The following CALR variants were observed in gnomAD, a reference collection of about 807,000 sequenced individuals.
CALR encodes the protein CRP55.
CALR carries 15 observed loss-of-function variants against 51.1 expected under a neutral mutation model. That is an observed-to-expected ratio of 0.29 (90% CI 0.20 to 0.45). The LOEUF is 0.45. Ranked by LOEUF, CALR falls within the 20% of genes least tolerant of loss-of-function variation. The pLI is 1.00. For synonymous variants in CALR, 239 were observed against 205.9 expected (o/e 1.16, Z -1.38); for missense variants, 477 against 530.6 (o/e 0.90, Z 0.99).
At chr19:12,939,355 C>G in intron 2 of CALR, 73 bp from the exon 3 acceptor site, 1 of 1,513,956 alleles carries the variant, frequency 6.6e-7, no homozygotes, top group Non-Finnish European at 9.2e-7. Context: ...GTGGGGGAGT[C>G]TTCTCTATTC....
rs774155426 is a variant in CALR, at chr19:12,943,660, G to A, written c.1053+31G>A. On this transcript the variant is annotated intron_variant, in intron 8 of 8. Coordinates refer to ENST00000316448, the MANE Select transcript of CALR (RefSeq NM_004343.4). ...GCCTGGTCCTGGTCCTGATGTCGGG[G>A]GCGGGCAGGGCTGGCAGGGGGCAAG... 6.2e-6 allele frequency: 10 copies of A among 1,614,178 alleles called. No individual in the cohort carries two copies. In the South Asian group the frequency reaches 1.1e-4, roughly 18 times the overall value.
intron 7 of CALR, among the ~76,000 whole-genome samples, chr19:12,942,158 G>A (rs1253466091): frequency 6.6e-6 from 1 of 151,864 alleles, no homozygotes; most frequent in Non-Finnish European, 1.5e-5. Flanking sequence ...AGGAGATGGA[G>A]ACCATCCTGG....
intron 4 of CALR, 22 bp downstream of exon 4, chr19:12,940,169 AATGGCTGTC>A (rs756821972): frequency 1.2e-6 from 2 of 1,612,104 alleles, no homozygotes; most frequent in East Asian, 4.5e-5. Flanking sequence ...GGTGGTGGCA[AATGGCTGTC>A]ATGGGGAGAT....
Position 12,944,301 on chromosome 19 carries a change from C to G in CALR, c.*388C>G, listed in dbSNP as rs1282619532. 2.6e-6 allele frequency: 1 copy of G among 384,576 alleles called. No individual in the cohort carries two copies. The highest frequency in any genetic ancestry group is 4.6e-5 in the East Asian group (1 of 21,622). 23.8% of individuals were successfully genotyped at this position (384,576 alleles called of 1,614,324 possible). ...CTTCCTGGAGCCCAGAGGAGGGCAG[C>G]AGAAGGGGGTGGTGTCTCCAACCCC... On this transcript the variant is annotated 3_prime_UTR_variant, in exon 9 of 9. Coordinates refer to ENST00000316448, the MANE Select transcript of CALR (RefSeq NM_004343.4).
At position 12,944,258 on chromosome 19, in the gene CALR, G is replaced by C. The variant is rs1328039053; in HGVS notation, c.*345G>C. On this transcript the variant is annotated 3_prime_UTR_variant, in exon 9 of 9. Transcript: ENST00000316448. ...AGTGGTGTGGAGAAGCCACAGGCCT[G>C]AGATTTCATCTGCTCTCCTTCCTGG... is the stretch of plus-strand genomic sequence containing the variant. 3 of 438,060 alleles carry C rather than the reference G, an allele frequency of 6.8e-6. No homozygotes were observed. Among genetic ancestry groups the C allele is most frequent in the Admixed American group, 7.4e-5 (2 of 27,028 alleles). 27.1% of individuals were successfully genotyped at this position (438,060 alleles called of 1,614,324 possible).
chr19:12,941,009 A>G, intron 7 of CALR, 122 bp downstream of exon 7: 1 of 911,720 alleles, frequency 1.1e-6, no homozygotes, highest in South Asian at 1.3e-5. Flanking sequence ...CTTCTTGTAA[A>G]CAGTACTTCC....
intron 7 of CALR, among the ~76,000 whole-genome samples, chr19:12,941,281 A>T (rs1825869761): frequency 6.6e-6 from 1 of 151,572 alleles, no homozygotes; most frequent in African/African-American, 2.4e-5. Context: ...CAGCGAGGAG[A>T]CCCTATCTCT....
rs1971585777 is a variant in CALR at position 12,943,859 on chromosome 19, CAAGGAGGAAGAT to C, written c.1201_1212del (p.Lys401_Asp404del). On this transcript the variant is annotated inframe_deletion, in exon 9 of 9. Transcript: ENST00000316448. ...ATGAGGATGAGGAGGATGAGGAGGACAAGGAGGAAGATGAGGAGGAAGATGTCCCCGGCCAGG... is the reference window on the plus strand; with the variant it reads ...ATGAGGATGAGGAGGATGAGGAGGACGAGGAGGAAGATGTCCCCGGCCAGG... 1.3e-6 allele frequency: 2 copies of C among 1,583,274 alleles called. No homozygotes were observed. Among genetic ancestry groups the C allele is most frequent in the Non-Finnish European group, 1.7e-6 (2 of 1,164,704 alleles).
At chr19:12,938,823 T>A (rs1971502812) in intron 1 of CALR, 53 bp downstream of exon 1, 2 of 1,345,070 alleles carry the variant, frequency 1.5e-6, no homozygotes, top group African/African-American at 2.9e-5. Context: ...CGGCCCCCGA[T>A]CCTGGATCTG....
In CALR at chr19:12,943,976, A is replaced by C; in HGVS notation, c.*63A>C. On this transcript the variant is annotated 3_prime_UTR_variant, in exon 9 of 9. Transcript: ENST00000316448. Reference sequence around the variant, plus strand: ...CTCCTGCCGCAGAGCTGGCCGCGCCAAATAATGTCTCTGTGAGACTCGAGA... The same window carrying C: ...CTCCTGCCGCAGAGCTGGCCGCGCCCAATAATGTCTCTGTGAGACTCGAGA... The C allele has an allele frequency of 6.3e-7, 1 of 1,592,702 alleles. No individual in the cohort carries two copies. The highest frequency in any genetic ancestry group is 8.5e-7 in the Non-Finnish European group (1 of 1,170,582).
At position 12,940,448 on chromosome 19, in the gene CALR, C is replaced by T. The variant is rs1012573592; in HGVS notation, c.698C>T (p.Pro233Leu). 2 of 1,614,044 alleles carry T rather than the reference C, an allele frequency of 1.2e-6. No individual in the cohort carries two copies. Among genetic ancestry groups the T allele is most frequent in the Non-Finnish European group, 1.7e-6 (2 of 1,180,022 alleles). ...AKIDDPTDSK[P>L]EDWDKPEHIP... is the part of the protein sequence containing the mutation. The stretch of plus-strand genomic sequence containing the variant: ...ATCGATGATCCCACAGACTCCAAGC[C>T]TGAGGTTGGTGTTTGGGCAGGGGCT... Residue 233 changes from proline (P) to leucine (L), a missense_variant, in exon 5 of 9, where the codon CCT (proline) becomes CTT (leucine). Transcript: ENST00000316448.
At position 12,943,910 on chromosome 19, in the gene CALR, G is replaced by A. The variant is rs772530077; in HGVS notation, c.1251G>A (p.Leu417=). 5 of 1,602,278 alleles carry A rather than the reference G, an allele frequency of 3.1e-6. No homozygotes were observed. The highest frequency in any genetic ancestry group is 3.4e-6 in the Non-Finnish European group (4 of 1,175,644). The change falls in exon 9 of 9, where the codon CTG becomes CTA. Residue 417 remains leucine, a synonymous_variant. Transcript: ENST00000316448. ...TCCCCGGCCAGGCCAAGGACGAGCT[G>A]TAGAGAGGCCTGCCTCCAGGGCTGG... ...EDVPGQAKDE[L]
In CALR at chr19:12,944,152, G is replaced by C; in HGVS notation, c.*239G>C. On this transcript the variant is annotated 3_prime_UTR_variant, in exon 9 of 9. Coordinates refer to ENST00000316448, the MANE Select transcript of CALR (RefSeq NM_004343.4). Reference sequence around the variant, plus strand: ...GATTCTCCTTCAGCCCTCACCCCTGGTTCTCATCTTTCTTGATCAACATCT... The same window carrying C: ...GATTCTCCTTCAGCCCTCACCCCTGCTTCTCATCTTTCTTGATCAACATCT... 3 of 617,916 alleles carry C rather than the reference G, an allele frequency of 4.9e-6. No homozygotes were observed. Among genetic ancestry groups the C allele is most frequent in the Non-Finnish European group, 2.7e-6 (1 of 373,096 alleles). The allele number at this position is 617,916 out of a possible 1,614,324, so 38.3% of individuals were successfully genotyped here.
chr19:12,943,434 C>T (rs1267666784), intron 7 of CALR, 103 bp from the exon 8 acceptor site: 4 of 979,248 alleles, frequency 4.1e-6, no homozygotes, highest in Admixed American at 1.9e-5. Context: ...TCTGCAGATG[C>T]AGGCAGCAGA....
intron 3 of CALR, 91 bp from the exon 4 acceptor site, chr19:12,939,962 G>C: frequency 2.1e-6 from 2 of 943,922 alleles, no homozygotes; most frequent in Admixed American, 1.9e-5. Context: ...GACCCGAGTT[G>C]AAGAACCAGG....
intron 7 of CALR, among the ~76,000 whole-genome samples, chr19:12,943,044 G>A (rs1002085136): frequency 1.1e-4 from 16 of 146,400 alleles, no homozygotes; most frequent in African/African-American, 4.1e-4. Flanking sequence ...GCATGAGCCC[G>A]TCCCGTCCCT....
At position 12,944,055 on chromosome 19, in the gene CALR, C is replaced by A; in HGVS notation, c.*142C>A. ...ATTTGGGGTGGATTTTGGTTTTGTT[C>A]CCCTCCTCCACTCTCCCCCACCCCC... On this transcript the variant is annotated 3_prime_UTR_variant, in exon 9 of 9. Transcript: ENST00000316448. The A allele has an allele frequency of 7.0e-7, 1 of 1,425,670 alleles. No homozygotes were observed. 88.3% of individuals were successfully genotyped at this position (1,425,670 alleles called of 1,614,324 possible).
rs1300480978 is a variant in CALR, at chr19:12,943,897, C to T, written c.1238C>T (p.Ala413Val). ...GAGGAGGAAGATGTCCCCGGCCAGG[C>T]CAAGGACGAGCTGTAGAGAGGCCTG... ...EDEEEDVPGQ[A>V]KDEL The change falls in exon 9 of 9, where the codon GCC (alanine) becomes GTC (valine). Residue 413 changes from alanine to valine, a missense_variant. Ala to Val is a moderately conservative substitution (Grantham distance 64). Transcript: ENST00000316448. 1 of 1,600,038 alleles carries T rather than the reference C, an allele frequency of 6.2e-7. No individual in the cohort carries two copies.
chr19:12,940,321 G>T lies in CALR; in HGVS notation c.571G>T (p.Val191Leu). 1 of 1,614,208 alleles carries T rather than the reference G, an allele frequency of 6.2e-7. No homozygotes were observed. Among genetic ancestry groups the T allele is most frequent in the Non-Finnish European group, 8.5e-7 (1 of 1,180,026 alleles). ...TYEVKIDNSQVESGSLEDDWD... is the reference protein window; with the variant it reads ...TYEVKIDNSQLESGSLEDDWD... ...TGAGGTGAAGATTGACAACAGCCAG[G>T]TGGAGTCCGGCTCCTTGGAAGACGA... The change falls in exon 5 of 9, where the codon GTG becomes TTG. Residue 191 changes from valine to leucine, a missense_variant. By Grantham distance (32) the Val-to-Leu change is conservative. Transcript: ENST00000316448.
Sources: allele counts gnomAD v4.1 joint callset (sites outside exome capture counted in the v4.1 genomes callset), GRCh38; gene constraint gnomAD v4.1.1; transcripts MANE v1.5; gene names NCBI Gene and HGNC (gene_info 2026-07-23, HGNC 2026-07-21).